PDK1: variants seen among roughly 807,000 people sequenced by gnomAD.
The protein encoded by PDK1 is [Pyruvate dehydrogenase (acetyl-transferring)] kinase isozyme 1, mitochondrial.
A neutral mutation model predicts 54.2 loss-of-function variants in PDK1; 39 were observed. That is an observed-to-expected ratio of 0.72 (90% CI 0.56 to 0.94). The LOEUF (loss-of-function observed/expected upper bound fraction) is 0.94. PDK1 is among the 40% of genes least tolerant of loss of function. The pLI, the probability that PDK1 is intolerant of heterozygous loss-of-function variation, is 0.00. For synonymous variants in PDK1, 221 were observed against 207.1 expected (o/e 1.07, Z -0.58); for missense variants, 552 against 566.0 (o/e 0.98, Z 0.25).
chr2:172,643,052 T>C, the PDK1 span, among the ~76,000 whole-genome samples: 8 of 152,312 alleles, frequency 5.3e-5, no homozygotes, highest in African/African-American at 1.9e-4. Context: ...AAGAGGAGCT[T>C]TGGAAGGAGG....
At chr2:172,617,959 T>C in the PDK1 span, among the ~76,000 whole-genome samples, 6 of 152,230 alleles carry the variant, frequency 3.9e-5, no homozygotes, top group South Asian at 2.1e-4. Context: ...ACAAAACATA[T>C]TTCATGTTAG....
At chr2:172,696,081 G>A in the PDK1 span, among the ~76,000 whole-genome samples, 2 of 148,656 alleles carry the variant, frequency 1.3e-5, no homozygotes, top group African/African-American at 5.0e-5. Context: ...GCTGAGGCAC[G>A]AGAATTCCTT....
the PDK1 span, among the ~76,000 whole-genome samples, chr2:172,716,447 C>T: frequency 1.3e-5 from 2 of 151,986 alleles, no homozygotes; most frequent in African/African-American, 4.8e-5. Context: ...TGCCTCACCT[C>T]CCGAATAGCT....
chr2:172,612,547 GTT>G (rs1490995955), downstream of PDK1, among the ~76,000 whole-genome samples: 1 of 151,968 alleles, frequency 6.6e-6, no homozygotes. Context: ...GGAACACTGT[GTT>G]CTCTTAAGTC....
chr2:172,648,234 T>C, the PDK1 span, among the ~76,000 whole-genome samples: 1,509 of 152,342 alleles, frequency 9.9e-3, 12 homozygotes, highest in Non-Finnish European at 0.017. Context: ...TTCCAGGTTT[T>C]ACTAATTGTC....
chr2:172,656,850 A>G, the PDK1 span, among the ~76,000 whole-genome samples: 3 of 152,224 alleles, frequency 2.0e-5, no homozygotes, highest in African/African-American at 7.2e-5. Flanking sequence ...CCACCCACAC[A>G]TGAGGGGAAG....
At chr2:172,697,988 C>T in the PDK1 span, among the ~76,000 whole-genome samples, 1 of 152,120 alleles carries the variant, frequency 6.6e-6, no homozygotes, top group Non-Finnish European at 1.5e-5. Context: ...AGAAAATGAT[C>T]CAAATGTCAG....
intron 8 of PDK1, among the ~76,000 whole-genome samples, chr2:172,574,399 G>T (rs955545740): frequency 2.0e-5 from 3 of 152,182 alleles, no homozygotes; most frequent in Non-Finnish European, 2.9e-5. Flanking sequence ...TATTTTGGCT[G>T]TTATGGGTTC....
At position 172,596,039 on chromosome 2, in the gene PDK1, C is replaced by T; in HGVS notation, c.*70C>T. The stretch of plus-strand genomic sequence containing the variant: ...AATTTGGAAGGTATGGTGTTCAGAA[C>T]TATATTATACCAAGTACTTTATTTA... On this transcript the variant is annotated 3_prime_UTR_variant, in exon 11 of 11. Transcript: ENST00000282077. 4.0e-6 allele frequency: 5 copies of T among 1,263,598 alleles called. No homozygotes were observed. The highest frequency in any genetic ancestry group is 5.5e-6 in the Non-Finnish European group (5 of 905,312). 78.3% of individuals were successfully genotyped at this position (1,263,598 alleles called of 1,614,324 possible).
At chr2:172,696,476 T>C in the PDK1 span, among the ~76,000 whole-genome samples, 1 of 152,262 alleles carries the variant, frequency 6.6e-6, no homozygotes, top group African/African-American at 2.4e-5. Context: ...TATAAAGTGT[T>C]GATGAAAGGC....
rs1015162341 is a variant in PDK1, at chr2:172,597,619, C to T, written c.*1650C>T. On this transcript the variant is annotated 3_prime_UTR_variant, in exon 11 of 11. Transcript: ENST00000282077. Reference sequence around the variant, plus strand: ...CATTCTCTTTCTCACTCAGTGTGGCCCAGAGTTGCTCAGAATTGGAGCAGA... The same window carrying T: ...CATTCTCTTTCTCACTCAGTGTGGCTCAGAGTTGCTCAGAATTGGAGCAGA... 2 of 152,128 alleles carry T rather than the reference C, an allele frequency of 1.3e-5. No individual in the cohort carries two copies. Among genetic ancestry groups the T allele is most frequent in the East Asian group, 1.9e-4 (1 of 5,194 alleles). The allele number at this position is 152,128 out of a possible 1,614,324, so 9.4% of individuals were successfully genotyped here. A position where few individuals can be genotyped will look rare whatever the true frequency, so the allele number is the denominator to read the frequency against.
At chr2:172,711,668 C>G in the PDK1 span, among the ~76,000 whole-genome samples, 1 of 151,970 alleles carries the variant, frequency 6.6e-6, no homozygotes, top group East Asian at 1.9e-4. Context: ...AACTCGAGAC[C>G]AGTCTGGGCA....
the PDK1 span, among the ~76,000 whole-genome samples, chr2:172,721,788 G>T: frequency 6.6e-6 from 1 of 152,218 alleles, no homozygotes; most frequent in East Asian, 1.9e-4. Context: ...AGGCAATATT[G>T]TGTCTGGCAT....
intron 2 of PDK1, among the ~76,000 whole-genome samples, 194 bp downstream of exon 2, chr2:172,559,043 G>A (rs1366918328): frequency 6.6e-6 from 1 of 152,196 alleles, no homozygotes; most frequent in Admixed American, 6.5e-5. Flanking sequence ...CCGCCTCCCG[G>A]GTTCAGGCGA....
the PDK1 span, among the ~76,000 whole-genome samples, chr2:172,684,289 G>A: frequency 1.3e-5 from 2 of 152,122 alleles, no homozygotes; most frequent in South Asian, 2.1e-4. Context: ...AGGTGTGGTG[G>A]TGCATGCCTA....
At chr2:172,586,145 C>G (rs189017448) in intron 8 of PDK1, 133 bp from the exon 9 acceptor site, 30 of 495,880 alleles carry the variant, frequency 6.0e-5, no homozygotes, top group African/African-American at 2.1e-5. Context: ...GGCGACAAAG[C>G]GAGACTCTGT....
At chr2:172,659,364 C>T in the PDK1 span, among the ~76,000 whole-genome samples, 1 of 152,226 alleles carries the variant, frequency 6.6e-6, no homozygotes, top group Admixed American at 6.5e-5. Flanking sequence ...TGCTTTCTCA[C>T]ATATTCATAA....
downstream of PDK1, among the ~76,000 whole-genome samples, chr2:172,611,950 T>C (rs1336800628): frequency 6.6e-6 from 1 of 152,274 alleles, no homozygotes; most frequent in African/African-American, 2.4e-5. Flanking sequence ...TACTTTTTCA[T>C]ATCTCACCTT....
At chr2:172,704,328 A>C in the PDK1 span, among the ~76,000 whole-genome samples, 1 of 152,130 alleles carries the variant, frequency 6.6e-6, no homozygotes, top group Admixed American at 6.5e-5. Context: ...AGCTGACAGT[A>C]TGAAAAGGGG....
Sources: allele counts gnomAD v4.1 joint callset (sites outside exome capture counted in the v4.1 genomes callset), GRCh38; gene constraint gnomAD v4.1.1; transcripts MANE v1.5; gene names NCBI Gene and HGNC (gene_info 2026-07-23, HGNC 2026-07-21).